Variants in GAL3ST3 observed in about 807,000 individuals in gnomAD.
GAL3ST3 encodes the protein galactose-3-O-sulfotransferase 3.
In GAL3ST3, 21 loss-of-function variants were observed where a neutral mutation model predicts 20.8. The ratio of observed to expected loss-of-function variants is 1.01; its 90% CI spans 0.72 to 1.45. The LOEUF (loss-of-function observed/expected upper bound fraction) is 1.45, where lower values mean the gene tolerates loss of function less well. Ranked by LOEUF, GAL3ST3 falls within the 40% of genes most tolerant of loss-of-function variation. The pLI is 0.00. For synonymous variants in GAL3ST3, 355 were observed against 307.2 expected (o/e 1.16, Z -1.63); for missense variants, 739 against 662.7 (o/e 1.12, Z -1.26).
At position 66,043,142 on chromosome 11, in the gene GAL3ST3, C is replaced by T. The variant is rs1409921509; in HGVS notation, c.661G>A (p.Ala221Thr). 3.1e-6 allele frequency: 5 copies of T among 1,611,452 alleles called. No individual in the cohort carries two copies. Among genetic ancestry groups the T allele is most frequent in the Non-Finnish European group, 4.2e-6 (5 of 1,179,218 alleles). ...GDNERSPRDD[A>T]AYLAGLIRQV... ...CGGATGAGGCCCGCCAGGTAGGCGG[C>T]GTCGTCGCGCGGGCTGCGCTCATTG... is the stretch of plus-strand genomic sequence containing the variant. The change falls in exon 3 of 3, where the codon GCC (alanine) becomes ACC (threonine). Residue 221 changes from alanine to threonine, a missense_variant. Physicochemically the swap from Ala to Thr is moderately conservative, Grantham distance 58. Coordinates refer to ENST00000312006, the MANE Select transcript of GAL3ST3 (RefSeq NM_033036.3).
Position 66,042,413 on chromosome 11 carries a change from A to G in GAL3ST3, c.*94T>C. ...CGAGGGACTCAAGCCCCTTGAAAAGAAAGGGCTCTCATGGGGGCAGGACAT... is the reference window on the plus strand; with the variant it reads ...CGAGGGACTCAAGCCCCTTGAAAAGGAAGGGCTCTCATGGGGGCAGGACAT... On this transcript the variant is annotated 3_prime_UTR_variant, in exon 3 of 3. Transcript: ENST00000312006. 3 of 996,302 alleles carry G rather than the reference A, an allele frequency of 3.0e-6. No individual in the cohort carries two copies. Among genetic ancestry groups the G allele is most frequent in the Non-Finnish European group, 4.2e-6 (3 of 717,606 alleles). 61.7% of individuals were successfully genotyped at this position (996,302 alleles called of 1,614,324 possible).
In GAL3ST3 at chr11:66,042,831, C is replaced by T; in HGVS notation, c.972G>A (p.Leu324=). The T allele has an allele frequency of 7.3e-7, 1 of 1,370,214 alleles. No individual in the cohort carries two copies. The highest frequency in any genetic ancestry group is 1.6e-5 in the South Asian group (1 of 62,230). 84.9% of individuals were successfully genotyped at this position (1,370,214 alleles called of 1,614,324 possible). A position where few individuals can be genotyped will look rare whatever the true frequency, so the allele number is the denominator to read the frequency against. The stretch of plus-strand genomic sequence containing the variant: ...GCAGTAGGCGCTGGCGGGCCTCGCG[C>T]AGCTCGCGCGCCTCGCGCTCCACGC... ...RACVEREARE[L]REARQRLLRR... The change falls in exon 3 of 3, where the codon CTG becomes CTA. Residue 324 remains leucine (L), a synonymous_variant. Transcript: ENST00000312006.
At position 66,045,411 on chromosome 11, in the gene GAL3ST3, G is replaced by A. The variant is rs1167782477; in HGVS notation, c.5C>T (p.Pro2Leu). ...CTGCTGCAGGCGCTGGAGGATGGGTGGCATGGCGGAGTACCCACCCCTGGA... is the reference window on the plus strand; with the variant it reads ...CTGCTGCAGGCGCTGGAGGATGGGTAGCATGGCGGAGTACCCACCCCTGGA... MPPILQRLQQAT... is the reference protein window; with the variant it reads MLPILQRLQQAT... The change falls in exon 2 of 3, where the codon CCA (proline) becomes CTA (leucine). Residue 2 changes from proline to leucine, a missense_variant. Coordinates refer to ENST00000312006, the MANE Select transcript of GAL3ST3 (RefSeq NM_033036.3). 8.8e-6 allele frequency: 14 copies of A among 1,599,672 alleles called. No individual in the cohort carries two copies. Among genetic ancestry groups the A allele is most frequent in the African/African-American group, 1.3e-5 (1 of 74,544 alleles).
chr11:66,043,581 C>G lies in GAL3ST3; in HGVS notation c.222G>C (p.Thr74=), dbSNP rs777495423. 4 of 1,612,706 alleles carry G rather than the reference C, an allele frequency of 2.5e-6. No individual in the cohort carries two copies. Among genetic ancestry groups the G allele is most frequent in the Non-Finnish European group, 3.4e-6 (4 of 1,179,914 alleles). The part of the protein sequence containing the change: ...MTVAFLKTHK[T]AGTTVQNILF... ...GGATGTTCTGCACCGTCGTGCCTGC[C>G]GTCTTGTGAGTCTTCAGGAAGGCCA... is the stretch of plus-strand genomic sequence containing the variant. The change falls in exon 3 of 3, where the codon ACG becomes ACC. Residue 74 remains threonine, a synonymous_variant. Transcript: ENST00000312006.
In GAL3ST3 at chr11:66,043,387, C is replaced by T. The variant is rs770632222; in HGVS notation, c.416G>A (p.Arg139His). 8 of 1,609,848 alleles carry T rather than the reference C, an allele frequency of 5.0e-6. No homozygotes were observed. The highest frequency in any genetic ancestry group is 1.1e-5 in the South Asian group (1 of 90,798). The stretch of plus-strand genomic sequence containing the variant: ...ATAGACGGTGCTGGGCGGCATGAGG[C>T]GCTCCAGCTCCGCACGGTCGAAGCG... ...HLRFDRAELERLMPPSTVYVT... is the reference protein window; with the variant it reads ...HLRFDRAELEHLMPPSTVYVT... The change falls in exon 3 of 3, where the codon CGC becomes CAC. Residue 139 changes from arginine to histidine, a missense_variant. Physicochemically the swap from Arg to His is conservative, Grantham distance 29 (BLOSUM62 0). Coordinates refer to ENST00000312006, the MANE Select transcript of GAL3ST3 (RefSeq NM_033036.3).
At position 66,045,502 on chromosome 11, in the gene GAL3ST3, TAGC is replaced by T; in HGVS notation, c.-90_-88del. The stretch of plus-strand genomic sequence containing the variant: ...CTCATGGGGGATCCTGCGGCTCTGG[TAGC>T]AGGGCCAGTGTTCCCGAGAAGCCTG... On this transcript the variant is annotated 5_prime_UTR_variant, in exon 2 of 3. Transcript: ENST00000312006. 7.2e-7 allele frequency: 1 copy of T among 1,390,304 alleles called. No homozygotes were observed. Among genetic ancestry groups the T allele is most frequent in the East Asian group, 2.6e-5 (1 of 37,864 alleles). The allele number at this position is 1,390,304 out of a possible 1,614,324, so 86.1% of individuals were successfully genotyped here.
chr11:66,044,112 G>A (rs1856755579), intron 2 of GAL3ST3, among the ~76,000 whole-genome samples: 1 of 152,104 alleles, frequency 6.6e-6, no homozygotes, highest in Non-Finnish European at 1.5e-5. Context: ...AGGACCTAAG[G>A]CCCTCAGTCC....
chr11:66,044,015 A>G (rs974476760), intron 2 of GAL3ST3, among the ~76,000 whole-genome samples: 38 of 152,162 alleles, frequency 2.5e-4, no homozygotes, highest in African/African-American at 8.9e-4. Context: ...CTTTCACTCA[A>G]TCTGGGATGA....
rs61742297 is a variant in GAL3ST3 at position 66,043,100 on chromosome 11, A to G, written c.703T>C (p.Phe235Leu). 19 of 1,611,840 alleles carry G rather than the reference A, an allele frequency of 1.2e-5. No homozygotes were observed. The highest frequency in any genetic ancestry group is 1.6e-5 in the Non-Finnish European group (19 of 1,179,418). ...AGLIRQVEEV[F>L]SLVMIAEYFD... ...TACTCGGCGATCATGACGAGCGAGA[A>G]AACCTCCTCCACCTGGCGGATGAGG... Residue 235 changes from phenylalanine (F) to leucine (L), a missense_variant, in exon 3 of 3, where the codon TTC (phenylalanine) becomes CTC (leucine). Coordinates refer to ENST00000312006, the MANE Select transcript of GAL3ST3 (RefSeq NM_033036.3).
chr11:66,048,805 G>A (rs1856808044), intron 1 of GAL3ST3, among the ~76,000 whole-genome samples: 2 of 151,844 alleles, frequency 1.3e-5, no homozygotes, highest in African/African-American at 4.8e-5. Flanking sequence ...CAGGGATCCT[G>A]CCAGTGGGAT....
Position 66,045,482 on chromosome 11 carries a change from G to T in GAL3ST3, c.-67C>A. On this transcript the variant is annotated 5_prime_UTR_variant, in exon 2 of 3. Coordinates refer to ENST00000312006, the MANE Select transcript of GAL3ST3 (RefSeq NM_033036.3). ...CAGGACTCCCTTCACAGGCACTCAT[G>T]GGGGATCCTGCGGCTCTGGTAGCAG... 1.4e-6 allele frequency: 2 copies of T among 1,449,706 alleles called. No individual in the cohort carries two copies. The allele number at this position is 1,449,706 out of a possible 1,614,324, so 89.8% of individuals were successfully genotyped here. A position where few individuals can be genotyped will look rare whatever the true frequency, so the allele number is the denominator to read the frequency against.
chr11:66,045,236 CA>C (rs1856768248), intron 2 of GAL3ST3, 54 bp downstream of exon 2: 1 of 1,427,658 alleles, frequency 7.0e-7, no homozygotes, highest in Non-Finnish European at 9.3e-7. Flanking sequence ...ACCCTTCTAG[CA>C]GGTGGAAGAA....
intron 1 of GAL3ST3, 59 bp from the exon 2 acceptor site, chr11:66,045,586 G>A: frequency 1.6e-6 from 1 of 616,058 alleles, no homozygotes; most frequent in Non-Finnish European, 2.5e-6. Flanking sequence ...CTGGCCCCCA[G>A]CAGGTCTGAT....
chr11:66,045,168 G>C, intron 2 of GAL3ST3, 123 bp downstream of exon 2: 1 of 786,958 alleles, frequency 1.3e-6, no homozygotes, highest in Non-Finnish European at 1.9e-6. Context: ...CAGGGAGGCT[G>C]TGTGGCCCTA....
intron 1 of GAL3ST3, among the ~76,000 whole-genome samples, chr11:66,047,578 G>A (rs1183487605): frequency 6.6e-6 from 1 of 152,208 alleles, no homozygotes; most frequent in African/African-American, 2.4e-5. Context: ...GGCATCCTCA[G>A]TGCAGGAATT....
chr11:66,042,430 G>C lies in GAL3ST3; in HGVS notation c.*77C>G. ...TTGAAAAGAAAGGGCTCTCATGGGG[G>C]CAGGACATGGAGGCAGCCCCTGGCT... On this transcript the variant is annotated 3_prime_UTR_variant, in exon 3 of 3. Transcript: ENST00000312006. 1.7e-6 allele frequency: 2 copies of C among 1,158,566 alleles called. No individual in the cohort carries two copies. Among genetic ancestry groups the C allele is most frequent in the Non-Finnish European group, 2.3e-6 (2 of 860,842 alleles). 71.8% of individuals were successfully genotyped at this position (1,158,566 alleles called of 1,614,324 possible).
Position 66,045,016 on chromosome 11 carries a change from C to T in GAL3ST3, c.125+275G>A, listed in dbSNP as rs34073119. ...GGGGACTTGGCCTTGCCCAGCACTA[C>T]GGAAGTTGTGAGAAGTTGTTTCCAC... is the stretch of plus-strand genomic sequence containing the variant. On this transcript the variant is annotated intron_variant, in intron 2 of 2. Coordinates refer to ENST00000312006, the MANE Select transcript of GAL3ST3 (RefSeq NM_033036.3). The T allele has an allele frequency of 0.22, 61,705 of 280,320 alleles. 8,136 individuals carry two copies. The highest frequency in any genetic ancestry group is 0.34 in the Admixed American group (6,467 of 18,746). The allele number at this position is 280,320 out of a possible 1,614,324, so 17.4% of individuals were successfully genotyped here. A position where few individuals can be genotyped will look rare whatever the true frequency, so the allele number is the denominator to read the frequency against.
In GAL3ST3 at chr11:66,045,493, C is replaced by CTACCAGAGCCGCA; in HGVS notation, c.-79_-78insTGCGGCTCTGGTA. 7.0e-7 allele frequency: 1 copy of CTACCAGAGCCGCA among 1,426,182 alleles called. No homozygotes were observed. The highest frequency in any genetic ancestry group is 9.3e-7 in the Non-Finnish European group (1 of 1,075,374). The allele number at this position is 1,426,182 out of a possible 1,614,324, so 88.3% of individuals were successfully genotyped here. A position where few individuals can be genotyped will look rare whatever the true frequency, so the allele number is the denominator to read the frequency against. ...TCACAGGCACTCATGGGGGATCCTG[C>CTACCAGAGCCGCA]GGCTCTGGTAGCAGGGCCAGTGTTC... On this transcript the variant is annotated 5_prime_UTR_variant, in exon 2 of 3. Coordinates refer to ENST00000312006, the MANE Select transcript of GAL3ST3 (RefSeq NM_033036.3).
In GAL3ST3 at chr11:66,042,560, T is replaced by C. The variant is rs1430980810; in HGVS notation, c.1243A>G (p.Asn415Asp). 1 of 1,523,786 alleles carries C rather than the reference T, an allele frequency of 6.6e-7. No individual in the cohort carries two copies. The highest frequency in any genetic ancestry group is 2.1e-5 in the Admixed American group (1 of 47,834). 94.4% of individuals were successfully genotyped at this position (1,523,786 alleles called of 1,614,324 possible). A position where few individuals can be genotyped will look rare whatever the true frequency, so the allele number is the denominator to read the frequency against. The change falls in exon 3 of 3, where the codon AAT becomes GAT. Residue 415 changes from asparagine (N) to aspartate (D), a missense_variant. Asn to Asp is a conservative substitution (Grantham distance 23). Coordinates refer to ENST00000312006, the MANE Select transcript of GAL3ST3 (RefSeq NM_033036.3). The part of the protein sequence containing the change: ...ARARPEPVLD[N>D]PPPRPIRVLP... Reference sequence around the variant, plus strand: ...ACTCGGATGGGCCGAGGCGGGGGATTGTCCAGGACGGGCTCGGGCCGAGCC... The same window carrying C: ...ACTCGGATGGGCCGAGGCGGGGGATCGTCCAGGACGGGCTCGGGCCGAGCC...
Sources: allele counts gnomAD v4.1 joint callset (sites outside exome capture counted in the v4.1 genomes callset), GRCh38; gene constraint gnomAD v4.1.1; transcripts MANE v1.5; gene names NCBI Gene and HGNC (gene_info 2026-07-23, HGNC 2026-07-21).